The following KSR2 variants were observed in gnomAD, a reference collection of about 807,000 sequenced individuals.
KSR2 encodes kinase suppressor of ras 2.
In KSR2, 25 loss-of-function variants were observed where a neutral mutation model predicts 107.8. That is an observed-to-expected ratio of 0.23 (90% CI 0.17 to 0.32). The LOEUF (loss-of-function observed/expected upper bound fraction) is 0.32, where lower values mean the gene tolerates loss of function less well. Among genes scored for constraint, KSR2 ranks in the 10% least tolerant of loss-of-function variants. KSR2 has a pLI of 1.00. For synonymous variants in KSR2, 480 were observed against 507.0 expected (o/e 0.95, Z 0.71); for missense variants, 887 against 1,268.9 (o/e 0.70, Z 4.57).
At chr12:117,629,137 C>T in intron 5 of KSR2, among the ~76,000 whole-genome samples, 1 of 152,208 alleles carries the variant, frequency 6.6e-6, no homozygotes, top group East Asian at 1.9e-4. Context: ...AAGGGAAATC[C>T]CCCAACCCCA....
intron 4 of KSR2, chr12:117,674,396 A>C: frequency 2.2e-6 from 1 of 458,088 alleles, no homozygotes; most frequent in South Asian, 1.5e-5. Context: ...CACCATTTTA[A>C]ATTGAATAAC....
At chr12:117,731,790 T>G (rs1593178502) in intron 4 of KSR2, among the ~76,000 whole-genome samples, 1 of 151,238 alleles carries the variant, frequency 6.6e-6, no homozygotes, top group African/African-American at 2.4e-5. Flanking sequence ...TTAAATGGAT[T>G]AAGGGCGGTG....
At chr12:117,644,170 C>T (rs116584372) in intron 5 of KSR2, among the ~76,000 whole-genome samples, 2,329 of 152,286 alleles carry the variant, frequency 0.015, 65 homozygotes, top group African/African-American at 0.053. Flanking sequence ...ATATAGCAAG[C>T]AGACCAGATA....
At chr12:117,777,907 C>G (rs1889751393) in intron 3 of KSR2, among the ~76,000 whole-genome samples, 1 of 151,976 alleles carries the variant, frequency 6.6e-6, no homozygotes, top group African/African-American at 2.4e-5. Context: ...GTGGCATGCA[C>G]CTGTAGTCCC....
At chr12:117,656,108 G>A (rs541966459) in intron 5 of KSR2, among the ~76,000 whole-genome samples, 14 of 152,260 alleles carry the variant, frequency 9.2e-5, no homozygotes, top group Admixed American at 6.5e-4. Context: ...GCAGCAATGA[G>A]GACTATAACT....
At chr12:117,916,316 T>TAC (rs549443633) in intron 1 of KSR2, among the ~76,000 whole-genome samples, 322 of 152,016 alleles carry the variant, frequency 2.1e-3, no homozygotes, top group Non-Finnish European at 3.9e-3. Flanking sequence ...TTTGTATTTT[T>TAC]AGTAGAGACG....
At chr12:117,507,986 C>G (rs556423072) in intron 14 of KSR2, among the ~76,000 whole-genome samples, 154 of 152,282 alleles carry the variant, frequency 1.0e-3, no homozygotes, top group African/African-American at 3.5e-3. Context: ...AAGCCACCCT[C>G]CCTTGTCATC....
At chr12:117,473,557 C>T (rs948437870) in intron 17 of KSR2, among the ~76,000 whole-genome samples, 8 of 152,122 alleles carry the variant, frequency 5.3e-5, no homozygotes, top group Admixed American at 3.9e-4. Context: ...TTGGGAGGTG[C>T]GAGCTTGTGG....
Position 117,918,933 on chromosome 12 carries a change from C to T in KSR2, c.180+49143G>A, listed in dbSNP as rs140952758. Among the ~76,000 whole-genome samples the T allele has an allele frequency of 1.4e-4, 22 of 152,198 alleles. No individual in the cohort carries two copies. In the East Asian group the frequency reaches 3.9e-3, roughly 27 times the overall value. On this transcript the variant is annotated intron_variant, in intron 1 of 19. Coordinates refer to ENST00000339824, the MANE Select transcript of KSR2 (RefSeq NM_173598.6). The stretch of plus-strand genomic sequence containing the variant: ...CAGCCTGGACAACATGGAAACACAG[C>T]CCCCTACCCTGCCATGTTCTGGTGT...
In KSR2 at chr12:117,947,660, C is replaced by T. The variant is rs73215990; in HGVS notation, c.180+20416G>A. Among the ~76,000 whole-genome samples the T allele has an allele frequency of 3.1e-3, 477 of 152,094 alleles. 1 individual carries two copies. The highest frequency in any genetic ancestry group is 5.3e-3 in the Non-Finnish European group (363 of 67,978). ...ATCCAGGGAAGAAAAGTTCCTAGTA[C>T]TTATAAGTGTGTTTATCAAGGTCAC... On this transcript the variant is annotated intron_variant, in intron 1 of 19. Coordinates refer to ENST00000339824, the MANE Select transcript of KSR2 (RefSeq NM_173598.6).
Position 117,530,959 on chromosome 12 carries a change from G to A in KSR2, c.1784C>T (p.Pro595Leu), listed in dbSNP as rs747557790. Residue 595 changes from proline (P) to leucine (L), a missense_variant, in exon 12 of 20, where the codon CCG becomes CTG. Physicochemically the swap from Pro to Leu is moderately conservative, Grantham distance 98 (BLOSUM62 -3). Around this residue, in one of 8 missense-constraint regions of KSR2, gnomAD observed 308 missense variants for 506.2 expected, o/e 0.61. Coordinates refer to ENST00000339824, the MANE Select transcript of KSR2 (RefSeq NM_173598.6). ...CACTTACATTGGATTCGAGGTCACC[G>A]GATGCAGGATGACCTGGGGCGCCCG... is the stretch of plus-strand genomic sequence containing the variant. ...PTRAPQVILHPVTSNPILEGN... is the reference protein window; with the variant it reads ...PTRAPQVILHLVTSNPILEGN... 3.3e-5 allele frequency: 53 copies of A among 1,613,458 alleles called. No homozygotes were observed. In the Middle Eastern group the frequency reaches 6.6e-4, roughly 20 times the overall value.
intron 3 of KSR2, among the ~76,000 whole-genome samples, chr12:117,807,827 G>A (rs1346296128): frequency 6.6e-6 from 1 of 152,190 alleles, no homozygotes; most frequent in Non-Finnish European, 1.5e-5. Context: ...AAGCTAATAA[G>A]TAAACAAGAA....
At chr12:117,786,534 G>A (rs1890079891) in intron 3 of KSR2, among the ~76,000 whole-genome samples, 1 of 151,982 alleles carries the variant, frequency 6.6e-6, no homozygotes, top group Non-Finnish European at 1.5e-5. Flanking sequence ...AACATCTTTT[G>A]GCTGGGCATG....
chr12:117,756,067 A>T (rs1319859337), intron 4 of KSR2, among the ~76,000 whole-genome samples: 1 of 152,212 alleles, frequency 6.6e-6, no homozygotes, highest in African/African-American at 2.4e-5. Flanking sequence ...TTGGCTTATA[A>T]GGTTTGTGGA....
At chr12:117,778,312 A>AGAG (rs1473848699) in intron 3 of KSR2, among the ~76,000 whole-genome samples, 2 of 152,180 alleles carry the variant, frequency 1.3e-5, no homozygotes, top group Non-Finnish European at 2.9e-5. Context: ...GCCGGTCTCA[A>AGAG]ACTCCTGACC....
At chr12:117,507,133 C>T (rs935802506) in intron 14 of KSR2, among the ~76,000 whole-genome samples, 1 of 152,214 alleles carries the variant, frequency 6.6e-6, no homozygotes, top group African/African-American at 2.4e-5. Flanking sequence ...GTTTACAAAA[C>T]ACTTTCACCT....
intron 1 of KSR2, among the ~76,000 whole-genome samples, chr12:117,932,262 G>A (rs1895715280): frequency 6.6e-6 from 1 of 152,058 alleles, no homozygotes; most frequent in African/African-American, 2.4e-5. Context: ...ACTCCAGCTT[G>A]GGTGACAAAA....
At position 117,455,070 on chromosome 12, in the gene KSR2, G is replaced by GAGAGAGAGAGAC. The variant is rs1469580555; in HGVS notation, c.*12128_*12129insGTCTCTCTCTCT. 1.3e-4 allele frequency: 20 copies of GAGAGAGAGAGAC among 149,326 alleles called. No homozygotes were observed. Among genetic ancestry groups the GAGAGAGAGAGAC allele is most frequent in the African/African-American group, 5.0e-4 (20 of 40,382 alleles). The allele number at this position is 149,326 out of a possible 1,614,324, so 9.3% of individuals were successfully genotyped here. A position where few individuals can be genotyped will look rare whatever the true frequency, so the allele number is the denominator to read the frequency against. ...AGAGAGAGAGAGAGAGAGAGAGAGA[G>GAGAGAGAGAGAC]AGGTCTGTAGAGCCAGAGAGGGATG... On this transcript the variant is annotated 3_prime_UTR_variant, in exon 20 of 20. Transcript: ENST00000339824.
At position 117,601,302 on chromosome 12, in the gene KSR2, G is replaced by GGGC. The variant is rs1386321092; in HGVS notation, c.1172-18944_1172-18943insGCC. Reference sequence around the variant, plus strand: ...GTTTAGAATCCAAGATCTTGGGGGGGGGGGTACCTAATTACTAGATTAAAT... The same window carrying GGGC: ...GTTTAGAATCCAAGATCTTGGGGGGGGGCGGGGTACCTAATTACTAGATTAAAT... On this transcript the variant is annotated intron_variant, in intron 5 of 19. Coordinates refer to ENST00000339824, the MANE Select transcript of KSR2 (RefSeq NM_173598.6). 2.0e-5 allele frequency among the ~76,000 whole-genome samples: 3 copies of GGGC among 150,412 alleles called. 1 individual carries two copies. The highest frequency in any genetic ancestry group is 7.4e-5 in the African/African-American group (3 of 40,688).
Sources: gnomAD v4.1 joint callset for allele counts (sites outside exome capture counted in the v4.1 genomes callset) on GRCh38, gnomAD v4.1.1 for gene constraint, gnomAD v4.1.1 regional missense constraint, MANE v1.5 for transcripts, NCBI Gene and HGNC (gene_info 2026-07-23, HGNC 2026-07-21) for gene names.